MINDY2: variants seen among roughly 807,000 people sequenced by gnomAD.
The protein encoded by MINDY2 is ubiquitin carboxyl-terminal hydrolase MINDY-2.
In MINDY2, 52 loss-of-function variants were observed where a neutral mutation model predicts 68.2. That is an observed-to-expected ratio of 0.76 (90% CI 0.61 to 0.96). MINDY2 has a LOEUF of 0.96. MINDY2 is among the 40% of genes least tolerant of loss of function. The pLI is 0.00. For missense variants in MINDY2, 881 were observed against 773.4 expected (o/e 1.14, Z -1.65); for synonymous variants, 372 against 303.0 (o/e 1.23, Z -2.36).
chr15:58,828,427 T>C (rs4775095), intron 5 of MINDY2, among the ~76,000 whole-genome samples: 38,411 of 151,866 alleles, frequency 0.25, 5,314 homozygotes, highest in East Asian at 0.61. Context: ...GTTTCCTTCC[T>C]TCCTATTTCT....
At chr15:58,775,628 C>T (rs1440867337) in intron 1 of MINDY2, among the ~76,000 whole-genome samples, 2 of 152,084 alleles carry the variant, frequency 1.3e-5, no homozygotes, top group Non-Finnish European at 2.9e-5. Flanking sequence ...TGACTTCTCC[C>T]AATGATGACT....
chr15:58,842,677 T>C (rs1331303738), intron 6 of MINDY2, among the ~76,000 whole-genome samples: 1 of 152,216 alleles, frequency 6.6e-6, no homozygotes, highest in Non-Finnish European at 1.5e-5. Flanking sequence ...TTGAGATCGA[T>C]TTAGATGATA....
At chr15:58,812,579 G>A (rs2030365326) in intron 4 of MINDY2, among the ~76,000 whole-genome samples, 1 of 151,942 alleles carries the variant, frequency 6.6e-6, no homozygotes, top group Admixed American at 6.6e-5. Context: ...GAGATACATG[G>A]CTGGACACAG....
chr15:58,778,610 T>C (rs1900924973), intron 1 of MINDY2, among the ~76,000 whole-genome samples: 1 of 151,364 alleles, frequency 6.6e-6, no homozygotes, highest in African/African-American at 2.4e-5. Context: ...CCAGATTATA[T>C]GTCTAAGGGC....
chr15:58,796,238 T>C, intron 2 of MINDY2: 1 of 433,078 alleles, frequency 2.3e-6, no homozygotes, highest in South Asian at 1.7e-5. Context: ...TTAGAATCTA[T>C]GCTGTTGTAA....
At chr15:58,842,618 A>G (rs2032335880) in intron 6 of MINDY2, among the ~76,000 whole-genome samples, 1 of 152,194 alleles carries the variant, frequency 6.6e-6, no homozygotes, top group South Asian at 2.1e-4. Context: ...AAGCAGAGAG[A>G]TTCATCTTTT....
At chr15:58,772,494 A>G (rs1900499770) in intron 1 of MINDY2, among the ~76,000 whole-genome samples, 1 of 152,244 alleles carries the variant, frequency 6.6e-6, no homozygotes, top group Non-Finnish European at 1.5e-5. Flanking sequence ...CTTAGAAACA[A>G]GAAGGACTTA....
At chr15:58,849,454 A>G (rs1480793611) in intron 7 of MINDY2, among the ~76,000 whole-genome samples, 4 of 152,094 alleles carry the variant, frequency 2.6e-5, no homozygotes, top group African/African-American at 4.8e-5. Flanking sequence ...GCAGTGAGCC[A>G]AGATGACGCC....
In MINDY2 at chr15:58,810,298, T is replaced by G; in HGVS notation, c.1032T>G (p.Thr344=). ...QTGLDVNVRF[T]GVRVFEYTPE... The stretch of plus-strand genomic sequence containing the variant: ...GCCTGGATGTAAATGTAAGATTCAC[T>G]GGTGTTCGAGTGTTTGAATATACAC... The change falls in exon 4 of 9, where the codon ACT becomes ACG. Residue 344 remains threonine, a synonymous_variant. Transcript: ENST00000559228. The G allele has an allele frequency of 1.2e-6, 2 of 1,614,030 alleles. No individual in the cohort carries two copies. Among genetic ancestry groups the G allele is most frequent in the Non-Finnish European group, 1.7e-6 (2 of 1,179,970 alleles).
At chr15:58,837,756 A>C (rs1432185049) in intron 6 of MINDY2, among the ~76,000 whole-genome samples, 12 of 151,978 alleles carry the variant, frequency 7.9e-5, no homozygotes, top group African/African-American at 2.9e-4. Flanking sequence ...ACTTGAGCCC[A>C]GTAGTTAGAG....
intron 2 of MINDY2, among the ~76,000 whole-genome samples, chr15:58,790,107 A>G (rs1449882225): frequency 6.6e-6 from 1 of 152,152 alleles, no homozygotes; most frequent in African/African-American, 2.4e-5. Flanking sequence ...AATATAATTC[A>G]TATCATTTAA....
chr15:58,827,149 G>C (rs1435807419), intron 5 of MINDY2, among the ~76,000 whole-genome samples: 2 of 152,084 alleles, frequency 1.3e-5, no homozygotes, highest in Non-Finnish European at 2.9e-5. Flanking sequence ...TCTCATTATT[G>C]GTGATGTTCA....
intron 7 of MINDY2, 74 bp from the exon 8 acceptor site, chr15:58,851,697 A>G (rs1490684629): frequency 4.5e-6 from 5 of 1,120,390 alleles, no homozygotes; most frequent in Non-Finnish European, 6.3e-6. Flanking sequence ...TTATAGATAT[A>G]ACGTTTGTAT....
intron 3 of MINDY2, among the ~76,000 whole-genome samples, chr15:58,802,860 T>A (rs1362867712): frequency 6.6e-6 from 1 of 152,224 alleles, no homozygotes; most frequent in East Asian, 1.9e-4. Flanking sequence ...GAGATCCTGT[T>A]CTGCAATGTA....
chr15:58,819,945 T>C (rs2030953937), intron 4 of MINDY2, among the ~76,000 whole-genome samples: 1 of 152,106 alleles, frequency 6.6e-6, no homozygotes, highest in Admixed American at 6.6e-5. Context: ...ATTGAATACA[T>C]TTTTGTGTTT....
rs2033203210 is a variant in MINDY2, at chr15:58,860,966, T to C, written c.*6356T>C. 8.5e-6 allele frequency: 1 copy of C among 117,436 alleles called. No homozygotes were observed. Among genetic ancestry groups the C allele is most frequent in the African/African-American group, 2.5e-5 (1 of 40,032 alleles). The allele number at this position is 117,436 out of a possible 1,614,324, so 7.3% of individuals were successfully genotyped here. A position where few individuals can be genotyped will look rare whatever the true frequency, so the allele number is the denominator to read the frequency against. On this transcript the variant is annotated 3_prime_UTR_variant, in exon 9 of 9. Coordinates refer to ENST00000559228, the MANE Select transcript of MINDY2 (RefSeq NM_001040450.3). ...ATCTTGCTTAATAAATGACAGCTTG[T>C]TACAGATTCACACATTACAAGTAGG...
chr15:58,820,317 G>A (rs887710876), intron 4 of MINDY2, among the ~76,000 whole-genome samples: 2 of 151,098 alleles, frequency 1.3e-5, no homozygotes, highest in African/African-American at 2.4e-5. Context: ...GGTGGCGGGC[G>A]CCTGTAATCC....
intron 4 of MINDY2, among the ~76,000 whole-genome samples, chr15:58,812,849 C>T (rs749266654): frequency 6.6e-6 from 1 of 152,116 alleles, no homozygotes; most frequent in Non-Finnish European, 1.5e-5. Flanking sequence ...AAGAGCGAGA[C>T]CCTGTCTCAA....
intron 4 of MINDY2, among the ~76,000 whole-genome samples, chr15:58,818,002 C>G (rs1315538447): frequency 6.6e-6 from 1 of 152,122 alleles, no homozygotes; most frequent in African/African-American, 2.4e-5. Flanking sequence ...GAATAGCCAT[C>G]AAAAGACAAA....
Sources: gnomAD v4.1 joint callset for allele counts (sites outside exome capture counted in the v4.1 genomes callset) on GRCh38, gnomAD v4.1.1 for gene constraint, MANE v1.5 for transcripts, NCBI Gene and HGNC (gene_info 2026-07-23, HGNC 2026-07-21) for gene names.